CLCA4: variants seen among roughly 807,000 people sequenced by gnomAD.
CLCA4 encodes chloride channel accessory 4, also known as calcium-activated chloride channel regulator 4.
A neutral mutation model predicts 78.9 loss-of-function variants in CLCA4; 69 were observed. That is an observed-to-expected ratio of 0.87 (90% CI 0.72 to 1.07). CLCA4 has a LOEUF of 1.07. Ranked by LOEUF, CLCA4 falls within the 50% of genes least tolerant of loss-of-function variation. The pLI is 0.00. For synonymous variants in CLCA4, 362 were observed against 375.8 expected, an observed-to-expected ratio of 0.96 and a Z score of 0.42; for missense variants, 1,133 against 1,095.8, an observed-to-expected ratio of 1.03 and a Z score of -0.48.
In CLCA4 at chr1:86,565,420, C is replaced by A. The variant is rs771656460; in HGVS notation, c.704C>A (p.Ala235Glu). 3 of 1,602,532 alleles carry A rather than the reference C, an allele frequency of 1.9e-6. No individual in the cohort carries two copies. Among genetic ancestry groups the A allele is most frequent in the African/African-American group, 1.3e-5 (1 of 74,492 alleles). ...CCTGATAAAGTACAAACAGAAAAAGCATCCATAATGTTTATGCAAAGTATT... is the reference window on the plus strand; with the variant it reads ...CCTGATAAAGTACAAACAGAAAAAGAATCCATAATGTTTATGCAAAGTATT... The part of the protein sequence containing the change: ...FFPDKVQTEK[A>E]SIMFMQSIDS... The change falls in exon 5 of 14, where the codon GCA (alanine) becomes GAA (glutamate). Residue 235 changes from alanine (A) to glutamate (E), a missense_variant. By Grantham distance (107) the Ala-to-Glu change is moderately radical. Coordinates refer to ENST00000370563, the MANE Select transcript of CLCA4 (RefSeq NM_012128.4).
intron 11 of CLCA4, among the ~76,000 whole-genome samples, chr1:86,576,525 C>T (rs999523175): frequency 1.3e-5 from 2 of 151,966 alleles, no homozygotes; most frequent in Non-Finnish European, 2.9e-5. Flanking sequence ...ATCATCCAGG[C>T]AACCAATGTC....
At chr1:86,548,541 G>A (rs1315814317) in intron 1 of CLCA4, among the ~76,000 whole-genome samples, 1 of 151,852 alleles carries the variant, frequency 6.6e-6, no homozygotes, top group Non-Finnish European at 1.5e-5. Flanking sequence ...AATTAGCTGG[G>A]CATGGTGGCA....
rs1400662384 is a variant in CLCA4, at chr1:86,580,625, T to G, written c.*280T>G. On this transcript the variant is annotated 3_prime_UTR_variant, in exon 14 of 14. Coordinates refer to ENST00000370563, the MANE Select transcript of CLCA4 (RefSeq NM_012128.4). Reference sequence around the variant, plus strand: ...AAAGATCCTTTTTCATACTGATACCTGGTTGTATATTATTTGATGCAACAG... The same window carrying G: ...AAAGATCCTTTTTCATACTGATACCGGGTTGTATATTATTTGATGCAACAG... 1 of 262,852 alleles carries G rather than the reference T, an allele frequency of 3.8e-6. No individual in the cohort carries two copies. Among genetic ancestry groups the G allele is most frequent in the African/African-American group, 2.2e-5 (1 of 45,596 alleles). The allele number at this position is 262,852 out of a possible 1,614,324, so 16.3% of individuals were successfully genotyped here.
intron 1 of CLCA4, among the ~76,000 whole-genome samples, chr1:86,557,082 T>C (rs753987249): frequency 6.6e-5 from 10 of 152,194 alleles, no homozygotes; most frequent in Non-Finnish European, 1.2e-4. Flanking sequence ...GGACCTTCTC[T>C]CTTTTCTTAT....
At chr1:86,576,381 C>G (rs866444060) in intron 11 of CLCA4, among the ~76,000 whole-genome samples, 17 of 151,962 alleles carry the variant, frequency 1.1e-4, no homozygotes, top group African/African-American at 4.1e-4. Context: ...AAAGGTCTCA[C>G]TATATTGCCC....
intron 7 of CLCA4, among the ~76,000 whole-genome samples, chr1:86,570,400 G>A (rs2101811257): frequency 6.6e-6 from 1 of 152,084 alleles, no homozygotes; most frequent in Middle Eastern, 3.4e-3. Context: ...TCAAAACTTT[G>A]AGTTTCAAAC....
In CLCA4 at chr1:86,567,495, C is replaced by T; in HGVS notation, c.1026C>T (p.Ser342=). ...TGCTGCAGACTGTTGAAAATGGATCCTGGGTGGGGATGGTTCACTTTGATA... is the reference window on the plus strand; with the variant it reads ...TGCTGCAGACTGTTGAAAATGGATCTTGGGTGGGGATGGTTCACTTTGATA... ...HFLLQTVENG[S]WVGMVHFDST... The change falls in exon 7 of 14, where the codon TCC becomes TCT. Residue 342 remains serine (S), a synonymous_variant. Coordinates refer to ENST00000370563, the MANE Select transcript of CLCA4 (RefSeq NM_012128.4). 2 of 1,613,150 alleles carry T rather than the reference C, an allele frequency of 1.2e-6. No individual in the cohort carries two copies. Among genetic ancestry groups the T allele is most frequent in the Non-Finnish European group, 1.7e-6 (2 of 1,179,400 alleles).
intron 1 of CLCA4, among the ~76,000 whole-genome samples, chr1:86,551,442 A>C (rs1409059142): frequency 6.6e-6 from 1 of 152,196 alleles, no homozygotes; most frequent in Non-Finnish European, 1.5e-5. Context: ...AAAGCATGAG[A>C]AACAGGAAAC....
At chr1:86,563,829 C>G in intron 4 of CLCA4, 60 bp downstream of exon 4, 1 of 891,388 alleles carries the variant, frequency 1.1e-6, no homozygotes, top group Non-Finnish European at 1.8e-6. Flanking sequence ...TATTTTCCTA[C>G]TTTGATTTCT....
At position 86,579,872 on chromosome 1, in the gene CLCA4, G is replaced by A. The variant is rs895639842; in HGVS notation, c.2357-70G>A. 4 of 1,061,912 alleles carry A rather than the reference G, an allele frequency of 3.8e-6. No individual in the cohort carries two copies. In the East Asian group the frequency reaches 9.6e-5, roughly 26 times the overall value. The allele number at this position is 1,061,912 out of a possible 1,614,324, so 65.8% of individuals were successfully genotyped here. On this transcript the variant is annotated intron_variant, in intron 13 of 13. Coordinates refer to ENST00000370563, the MANE Select transcript of CLCA4 (RefSeq NM_012128.4). ...CTGCTTTGCATAACTAGACATTTTT[G>A]AGAATAAATAAAAAGGAATGAATAT...
Position 86,580,398 on chromosome 1 carries a change from A to G in CLCA4, c.*53A>G, listed in dbSNP as rs890912216. Reference sequence around the variant, plus strand: ...TAGACCTAGAAGAGAGTTTTAAAAAACAAAACAATGTAAGTAAAGGATATT... The same window carrying G: ...TAGACCTAGAAGAGAGTTTTAAAAAGCAAAACAATGTAAGTAAAGGATATT... On this transcript the variant is annotated 3_prime_UTR_variant, in exon 14 of 14. Transcript: ENST00000370563. 4.4e-6 allele frequency: 6 copies of G among 1,349,782 alleles called. No homozygotes were observed. The highest frequency in any genetic ancestry group is 2.6e-5 in the Admixed American group (1 of 38,346). 83.6% of individuals were successfully genotyped at this position (1,349,782 alleles called of 1,614,324 possible).
chr1:86,575,051 C>T (rs968349493), intron 10 of CLCA4, among the ~76,000 whole-genome samples: 4 of 151,920 alleles, frequency 2.6e-5, no homozygotes, highest in African/African-American at 7.2e-5. Flanking sequence ...CCTTATTCAC[C>T]CTACCAGGAT....
At chr1:86,578,785 A>G (rs748492080) in intron 12 of CLCA4, among the ~76,000 whole-genome samples, 2 of 152,214 alleles carry the variant, frequency 1.3e-5, no homozygotes, top group Admixed American at 6.6e-5. Context: ...TTCAGATTAC[A>G]TATGCTGTAG....
At position 86,565,372 on chromosome 1, in the gene CLCA4, A is replaced by G. The variant is rs368568589; in HGVS notation, c.656A>G (p.Tyr219Cys). The G allele has an allele frequency of 6.7e-5, 108 of 1,608,808 alleles. No individual in the cohort carries two copies. Among genetic ancestry groups the G allele is most frequent in the Non-Finnish European group, 8.3e-5 (98 of 1,176,048 alleles). The change falls in exon 5 of 14, where the codon TAT (tyrosine) becomes TGT (cysteine). Residue 219 changes from tyrosine to cysteine, a missense_variant. Coordinates refer to ENST00000370563, the MANE Select transcript of CLCA4 (RefSeq NM_012128.4). ...AGAATTGATTCTACAACAAAACTGT[A>G]TGGAAAAGATTGTCAATTCTTTCCT... ...ACRIDSTTKL[Y>C]GKDCQFFPDK...
chr1:86,569,139 G>T (rs1171263529), intron 7 of CLCA4, among the ~76,000 whole-genome samples: 1 of 151,964 alleles, frequency 6.6e-6, no homozygotes, highest in Non-Finnish European at 1.5e-5. Flanking sequence ...ATAAATACAA[G>T]AATTGCAGAT....
In CLCA4 at chr1:86,579,966, G is replaced by T. The variant is rs576941563; in HGVS notation, c.2381G>T (p.Ser794Ile). 1 of 1,595,282 alleles carries T rather than the reference G, an allele frequency of 6.3e-7. No individual in the cohort carries two copies. The highest frequency in any genetic ancestry group is 1.4e-5 in the African/African-American group (1 of 73,978). Reference protein sequence around the residue: ...GKVQRYIIRISASILDLRDSF... With the variant: ...GKVQRYIIRIIASILDLRDSF... ...GTTCAACGTTATATCATAAGAATAA[G>T]TGCAAGTATTCTTGATCTAAGAGAC... Residue 794 changes from serine (S) to isoleucine (I), a missense_variant, in exon 14 of 14, where the codon AGT becomes ATT. Coordinates refer to ENST00000370563, the MANE Select transcript of CLCA4 (RefSeq NM_012128.4).
chr1:86,557,100 T>A (rs1191279191), intron 1 of CLCA4, among the ~76,000 whole-genome samples: 2 of 152,176 alleles, frequency 1.3e-5, no homozygotes, highest in Non-Finnish European at 2.9e-5. Context: ...TATTTATTAG[T>A]CTAGCTGGTA....
chr1:86,574,463 G>A, intron 9 of CLCA4, 77 bp from the exon 10 acceptor site: 1 of 1,232,898 alleles, frequency 8.1e-7, no homozygotes, highest in Non-Finnish European at 1.2e-6. Flanking sequence ...TCTCAGGCCA[G>A]AAATTAAAAA....
In CLCA4 at chr1:86,580,219, ACCTACT is replaced by A. The variant is rs56040873; in HGVS notation, c.2656_2661del (p.Thr886_Pro887del). The stretch of plus-strand genomic sequence containing the variant: ...CAAATCCTGATGACATTGATCCTAC[ACCTACT>A]CCTACTCCTACTCCTACTCCTGATA... On this transcript the variant is annotated inframe_deletion, in exon 14 of 14. Coordinates refer to ENST00000370563, the MANE Select transcript of CLCA4 (RefSeq NM_012128.4). 0.096 allele frequency: 18,242 copies of A among 190,600 alleles called. 1,567 individuals carry two copies. Among genetic ancestry groups the A allele is most frequent in the African/African-American group, 0.46 (14,762 of 31,990 alleles). The allele number at this position is 190,600 out of a possible 1,614,324, so 11.8% of individuals were successfully genotyped here.
Sources: gnomAD v4.1 joint callset for allele counts (sites outside exome capture counted in the v4.1 genomes callset) on GRCh38, gnomAD v4.1.1 for gene constraint, MANE v1.5 for transcripts, NCBI Gene and HGNC (gene_info 2026-07-23, HGNC 2026-07-21) for gene names.